Variants in LYST observed in about 807,000 individuals in gnomAD.
LYST encodes lysosomal trafficking regulator, also known as lysosomal-trafficking regulator.
A neutral mutation model predicts 413.6 loss-of-function variants in LYST; 192 were observed. The ratio of observed to expected loss-of-function variants is 0.46; its 90% CI spans 0.41 to 0.52. The LOEUF (loss-of-function observed/expected upper bound fraction) is 0.52. LYST is among the 20% of genes least tolerant of loss of function. The pLI is 0.00. For missense variants in LYST, 3,815 were observed against 4,499.9 expected, an observed-to-expected ratio of 0.85 and a Z score of 4.35; for synonymous variants, 1,525 against 1,567.3, an observed-to-expected ratio of 0.97 and a Z score of 0.64.
intron 1 of LYST, among the ~76,000 whole-genome samples, chr1:235,848,698 A>G (rs769026916): frequency 3.3e-5 from 5 of 152,190 alleles, no homozygotes; most frequent in Non-Finnish European, 7.4e-5. Context: ...GGGAGATACT[A>G]CAACTGACAC....
upstream of LYST, among the ~76,000 whole-genome samples, chr1:235,870,695 C>T (rs1017597511): frequency 6.6e-6 from 1 of 152,108 alleles, no homozygotes; most frequent in African/African-American, 2.4e-5. Context: ...TCATTGTCAC[C>T]CCTGTTTAGA....
At chr1:235,668,097 A>G (rs922929684) in intron 50 of LYST, among the ~76,000 whole-genome samples, 1 of 152,144 alleles carries the variant, frequency 6.6e-6, no homozygotes. Flanking sequence ...TACAGATGCA[A>G]CCATTCATTT....
rs775080092 is a variant in LYST, at chr1:235,804,527, GTTC to G, written c.3529_3531del (p.Glu1177del). On this transcript the variant is annotated inframe_deletion, in exon 7 of 53. Transcript: ENST00000389793. ...ACCTTCTCAGTCATAGCATCATTAT[GTTC>G]AAAATCTGCTGAATAATTCCCGAGG... 1.4e-5 allele frequency: 22 copies of G among 1,613,666 alleles called. No individual in the cohort carries two copies. Among genetic ancestry groups the G allele is most frequent in the Middle Eastern group, 1.7e-4 (1 of 6,058 alleles).
At chr1:235,742,570 T>A (rs1349282809) in intron 30 of LYST, among the ~76,000 whole-genome samples, 1 of 146,902 alleles carries the variant, frequency 6.8e-6, no homozygotes, top group Non-Finnish European at 1.5e-5. Context: ...AAATTTTATG[T>A]TATATATATA....
Position 235,664,200 on chromosome 1 carries a change from G to T in LYST, c.11196-145C>A, listed in dbSNP as rs1300721508. The stretch of plus-strand genomic sequence containing the variant: ...AGTTCCCTCTAGGGAGTTTGCAGGG[G>T]GTAGATGTGGGAATAAGAGAACTTT... On this transcript the variant is annotated intron_variant, in intron 51 of 52. Transcript: ENST00000389793. This position sits in a 1 kb window ranked among gnomAD's most constrained non-coding sequence, Gnocchi z 4.5. 1.4e-6 allele frequency: 1 copy of T among 737,868 alleles called. No homozygotes were observed. Among genetic ancestry groups the T allele is most frequent in the African/African-American group, 1.7e-5 (1 of 57,270 alleles). The allele number at this position is 737,868 out of a possible 1,614,324, so 45.7% of individuals were successfully genotyped here. A position where few individuals can be genotyped will look rare whatever the true frequency, so the allele number is the denominator to read the frequency against.
In LYST at chr1:235,863,120, C is replaced by A. The variant is rs1009770908; in HGVS notation, c.-98+3723G>T. ...AAAAAATCTTGAACTTGGCCCAGCA[C>A]GGTGGCTCACGCCTGTAATCCAGGC... On this transcript the variant is annotated intron_variant, in intron 1 of 52. Transcript: ENST00000389793. Among the ~76,000 whole-genome samples, 95 of 152,170 alleles carry A rather than the reference C, an allele frequency of 6.2e-4. 1 individual carries two copies. The South Asian group carries it at 0.013, about 20-fold the overall frequency.
At chr1:235,678,492 G>A (rs1044170152) in intron 48 of LYST, among the ~76,000 whole-genome samples, 9 of 152,038 alleles carry the variant, frequency 5.9e-5, no homozygotes, top group Non-Finnish European at 1.5e-5. Context: ...ACTGGCTCAC[G>A]GATACCAGAT....
chr1:235,667,295 C>G (rs772379369), intron 50 of LYST, among the ~76,000 whole-genome samples: 13 of 152,166 alleles, frequency 8.5e-5, no homozygotes, highest in East Asian at 3.8e-4. Context: ...AACAGAGGAC[C>G]AGGCTATGGA....
intron 20 of LYST, among the ~76,000 whole-genome samples, chr1:235,769,625 T>C (rs1668464329): frequency 6.6e-6 from 1 of 152,052 alleles, no homozygotes; most frequent in Non-Finnish European, 1.5e-5. Flanking sequence ...GTTTGGTTGG[T>C]ATTAGATGAT....
intron 40 of LYST, among the ~76,000 whole-genome samples, chr1:235,717,389 AGTGCCGGT>A (rs1347808972): frequency 6.6e-6 from 1 of 152,230 alleles, no homozygotes; most frequent in Non-Finnish European, 1.5e-5. Context: ...CAAATCTGTC[AGTGCCGGT>A]GTTCACATTC....
At chr1:235,882,763 T>C (rs1189011829) in intron 1 of LYST, among the ~76,000 whole-genome samples, 1 of 152,164 alleles carries the variant, frequency 6.6e-6, no homozygotes, top group Non-Finnish European at 1.5e-5. Flanking sequence ...TAAGTCCATG[T>C]TGGAGATGTT....
Position 235,787,183 on chromosome 1 carries a change from C to A in LYST, c.4862+17G>T. Reference sequence around the variant, plus strand: ...TGTAACTGAGATTGAGATGCATTTTCTCAAAATGCTTCCTACCTCTGTCCA... The same window carrying A: ...TGTAACTGAGATTGAGATGCATTTTATCAAAATGCTTCCTACCTCTGTCCA... On this transcript the variant is annotated intron_variant, in intron 14 of 52. Transcript: ENST00000389793. 1 of 1,598,232 alleles carries A rather than the reference C, an allele frequency of 6.3e-7. No individual in the cohort carries two copies. Among genetic ancestry groups the A allele is most frequent in the South Asian group, 1.1e-5 (1 of 90,766 alleles).
chr1:235,716,696 TA>T lies in LYST; in HGVS notation c.9627+15del. 2 of 1,531,918 alleles carry T rather than the reference TA, an allele frequency of 1.3e-6. No individual in the cohort carries two copies. Among genetic ancestry groups the T allele is most frequent in the Non-Finnish European group, 9.0e-7 (1 of 1,107,736 alleles). 94.9% of individuals were successfully genotyped at this position (1,531,918 alleles called of 1,614,324 possible). A position where few individuals can be genotyped will look rare whatever the true frequency, so the allele number is the denominator to read the frequency against. On this transcript the variant is annotated intron_variant, in intron 41 of 52. Transcript: ENST00000389793. ...AATTTTTCATTTAATAAAGTACGAG[TA>T]AAAACAAAAGCTACCTTGTATGTGT...
intron 30 of LYST, among the ~76,000 whole-genome samples, chr1:235,742,563 T>C (rs535395178): frequency 3.1e-4 from 43 of 137,190 alleles, no homozygotes; most frequent in Non-Finnish European, 4.4e-4. Context: ...AAATGGTAAA[T>C]TTTATGTTAT....
At chr1:235,734,847 A>T in intron 31 of LYST, 188 bp from the exon 32 acceptor site, 1 of 467,044 alleles carries the variant, frequency 2.1e-6, no homozygotes, top group Non-Finnish European at 3.8e-6. Flanking sequence ...ATGACAGAGG[A>T]TTAATGCTAA....
upstream of LYST, among the ~76,000 whole-genome samples, chr1:235,867,728 A>G (rs2103218223): frequency 6.6e-6 from 1 of 152,148 alleles, no homozygotes; most frequent in African/African-American, 2.4e-5. Flanking sequence ...TTCAAGGGCC[A>G]CCCTCCTCAC....
At chr1:235,702,328 G>C (rs1277580024) in intron 45 of LYST, among the ~76,000 whole-genome samples, 1 of 152,132 alleles carries the variant, frequency 6.6e-6, no homozygotes, top group African/African-American at 2.4e-5. Flanking sequence ...CAAAACATCC[G>C]CATCACTGGT....
At chr1:235,857,757 A>C (rs1679367174) in intron 1 of LYST, among the ~76,000 whole-genome samples, 1 of 130,202 alleles carries the variant, frequency 7.7e-6, no homozygotes, top group South Asian at 2.3e-4. Context: ...ACACACACAC[A>C]CACACACACA....
At chr1:235,846,017 G>C (rs1437638137) in intron 1 of LYST, among the ~76,000 whole-genome samples, 1 of 152,096 alleles carries the variant, frequency 6.6e-6, no homozygotes, top group Non-Finnish European at 1.5e-5. Flanking sequence ...GCCACCTCCT[G>C]GCAGGAGGCC....
Sources: allele counts gnomAD v4.1 joint callset (sites outside exome capture counted in the v4.1 genomes callset), GRCh38; gene constraint gnomAD v4.1.1; non-coding constraint Gnocchi (gnomAD v3.1); transcripts MANE v1.5; gene names NCBI Gene and HGNC (gene_info 2026-07-23, HGNC 2026-07-21).